The following CRIM1 variants were observed in gnomAD, a reference collection of about 807,000 sequenced individuals.
CRIM1 encodes the protein cysteine rich transmembrane BMP regulator 1.
A neutral mutation model predicts 116.4 loss-of-function variants in CRIM1; 32 were observed. The observed-to-expected ratio is 0.27, with a 90% confidence interval of 0.21 to 0.37. The LOEUF is 0.37. Among genes scored for constraint, CRIM1 ranks in the 10% least tolerant of loss-of-function variants. CRIM1 has a pLI of 1.00. For missense variants in CRIM1, 1,331 were observed against 1,354.8 expected, an observed-to-expected ratio of 0.98 and a Z score of 0.28; for synonymous variants, 590 against 509.2, an observed-to-expected ratio of 1.16 and a Z score of -2.13.
intron 1 of CRIM1, among the ~76,000 whole-genome samples, chr2:36,394,264 G>T (rs1441442232): frequency 6.6e-6 from 1 of 152,032 alleles, no homozygotes; most frequent in Non-Finnish European, 1.5e-5. Flanking sequence ...TTTCTTACAA[G>T]TTTTTTTTAA....
chr2:36,469,216 G>A (rs1037428829), intron 5 of CRIM1, among the ~76,000 whole-genome samples: 4 of 152,146 alleles, frequency 2.6e-5, no homozygotes, highest in Non-Finnish European at 4.4e-5. Flanking sequence ...GTGGGGATGG[G>A]AGCATTACTT....
intron 9 of CRIM1, among the ~76,000 whole-genome samples, chr2:36,510,414 C>T (rs534610702): frequency 1.3e-5 from 2 of 152,308 alleles, no homozygotes; most frequent in Admixed American, 6.5e-5. Context: ...CCTTTAGACA[C>T]TGCTGGCAAG....
intron 2 of CRIM1, among the ~76,000 whole-genome samples, chr2:36,425,931 G>T (rs900368149): frequency 2.6e-5 from 4 of 152,204 alleles, no homozygotes; most frequent in Non-Finnish European, 4.4e-5. Context: ...ATTTGAATCA[G>T]GTGAAGCCCC....
rs187444461 is a variant in CRIM1, at chr2:36,359,368, C to T, written c.331+2745C>T. ...AATACAAATTATATTCTCTGTTTGC[C>T]AACTTGCAGTAATTTTTAGCAGTGT... is the stretch of plus-strand genomic sequence containing the variant. On this transcript the variant is annotated intron_variant, in intron 1 of 16. Coordinates refer to ENST00000280527, the MANE Select transcript of CRIM1 (RefSeq NM_016441.3). 6.6e-5 allele frequency among the ~76,000 whole-genome samples: 10 copies of T among 152,248 alleles called. No individual in the cohort carries two copies. In the East Asian group the frequency reaches 7.7e-4, roughly 12 times the overall value.
In CRIM1 at chr2:36,548,965, T is replaced by G. The variant is rs751952046; in HGVS notation, c.*264T>G. ...GATATATTTGCCTGTAAGATAGCTG[T>G]AGAGATATTTGGGGTGGGGACAGTG... On this transcript the variant is annotated 3_prime_UTR_variant, in exon 17 of 17. Transcript: ENST00000280527. 1 of 241,562 alleles carries G rather than the reference T, an allele frequency of 4.1e-6. No homozygotes were observed. Among genetic ancestry groups the G allele is most frequent in the African/African-American group, 2.2e-5 (1 of 44,530 alleles). The allele number at this position is 241,562 out of a possible 1,614,324, so 15.0% of individuals were successfully genotyped here.
chr2:36,378,488 C>G (rs1670486310), intron 1 of CRIM1: 1 of 452,352 alleles, frequency 2.2e-6, no homozygotes, highest in Admixed American at 2.5e-5. Flanking sequence ...GTGCCTGGGC[C>G]ATACTCTGGA....
At chr2:36,442,505 G>T (rs1281239954) in intron 3 of CRIM1, 110 bp from the exon 4 acceptor site, 1 of 1,337,358 alleles carries the variant, frequency 7.5e-7, no homozygotes. Context: ...GACTGGGTTT[G>T]TGGAAGCAAG....
At chr2:36,460,862 G>A (rs949034736) in intron 4 of CRIM1, among the ~76,000 whole-genome samples, 11 of 152,186 alleles carry the variant, frequency 7.2e-5, no homozygotes, top group Non-Finnish European at 1.2e-4. Context: ...TGGGGGTTCA[G>A]AGAAGAAGCT....
At chr2:36,452,452 A>T (rs949005175) in intron 4 of CRIM1, among the ~76,000 whole-genome samples, 1 of 152,290 alleles carries the variant, frequency 6.6e-6, no homozygotes, top group East Asian at 1.9e-4. Flanking sequence ...AGAGCGAGTC[A>T]ACTCATGACT....
chr2:36,506,986 A>G (rs1250825901), intron 8 of CRIM1, among the ~76,000 whole-genome samples: 1 of 151,890 alleles, frequency 6.6e-6, no homozygotes, highest in East Asian at 1.9e-4. Flanking sequence ...CAGCCTCCCA[A>G]GTAGCTGGGA....
intron 4 of CRIM1, among the ~76,000 whole-genome samples, chr2:36,448,007 C>G (rs903792112): frequency 6.6e-6 from 1 of 152,188 alleles, no homozygotes; most frequent in African/African-American, 2.4e-5. Flanking sequence ...GGAGCAGACA[C>G]GTGATTTAAG....
At chr2:36,396,559 A>G (rs1206054248) in intron 1 of CRIM1, 55 bp from the exon 2 acceptor site, 14 of 1,234,696 alleles carry the variant, frequency 1.1e-5, no homozygotes, top group South Asian at 2.0e-5. Context: ...GCCCGCGAAC[A>G]GGCCTTTGAA....
chr2:36,430,173 C>A (rs1254510551), intron 2 of CRIM1, among the ~76,000 whole-genome samples: 2 of 152,190 alleles, frequency 1.3e-5, no homozygotes, highest in Non-Finnish European at 2.9e-5. Flanking sequence ...TAAACCCATA[C>A]TGACTGTGAT....
intron 7 of CRIM1, among the ~76,000 whole-genome samples, chr2:36,484,217 G>A (rs574120608): frequency 3.9e-5 from 6 of 152,346 alleles, no homozygotes; most frequent in African/African-American, 7.2e-5. Flanking sequence ...TTGCTGCCAC[G>A]TTAATGTACT....
In CRIM1 at chr2:36,442,616, T is replaced by G. The variant is rs747718064; in HGVS notation, c.750T>G (p.Val250=). The G allele has an allele frequency of 1.2e-5, 20 of 1,613,998 alleles. No homozygotes were observed. The highest frequency in any genetic ancestry group is 1.6e-5 in the Non-Finnish European group (19 of 1,180,002). ...TGCCTCTCTGTTTGCCCCTTTCAGT[T>G]TTCGGCGTGGACTGCAGGACTGTGG... ...ECCDLYECKP[V]FGVDCRTVEC... Residue 250 remains valine, a splice_region_variant and synonymous_variant, in exon 4 of 17, where the codon GTT becomes GTG. Transcript: ENST00000280527.
chr2:36,476,050 G>T (rs1195437402), intron 5 of CRIM1, among the ~76,000 whole-genome samples: 1 of 151,820 alleles, frequency 6.6e-6, no homozygotes, highest in African/African-American at 2.4e-5. Context: ...TCTTGTCTTG[G>T]TGGGAGTTAT....
chr2:36,529,735 G>T (rs998321332), intron 13 of CRIM1, among the ~76,000 whole-genome samples: 1 of 152,186 alleles, frequency 6.6e-6, no homozygotes, highest in African/African-American at 2.4e-5. Context: ...GTGTTTACTA[G>T]TTTGGTGAGA....
intron 4 of CRIM1, among the ~76,000 whole-genome samples, chr2:36,443,194 A>C (rs890552184): frequency 1.3e-5 from 2 of 152,170 alleles, no homozygotes; most frequent in African/African-American, 4.8e-5. Flanking sequence ...GGTCAAGAGG[A>C]GTCTTAATTC....
intron 2 of CRIM1, among the ~76,000 whole-genome samples, chr2:36,431,156 C>G (rs1674858787): frequency 6.6e-6 from 1 of 152,124 alleles, no homozygotes; most frequent in Non-Finnish European, 1.5e-5. Flanking sequence ...GTGATTACAT[C>G]TGTGCCTTGG....
Sources: gnomAD v4.1 joint callset for allele counts (sites outside exome capture counted in the v4.1 genomes callset) on GRCh38, gnomAD v4.1.1 for gene constraint, MANE v1.5 for transcripts, NCBI Gene and HGNC (gene_info 2026-07-23, HGNC 2026-07-21) for gene names.